ZNF334: variants seen among roughly 807,000 people sequenced by gnomAD.
The protein encoded by ZNF334 is zinc finger protein 334.
In ZNF334, 14 loss-of-function variants were observed where a neutral mutation model predicts 12.4. The ratio of observed to expected loss-of-function variants is 1.13; its 90% CI spans 0.74 to 1.76. The LOEUF (loss-of-function observed/expected upper bound fraction) is 1.76, where lower values mean the gene tolerates loss of function less well. Ranked by LOEUF, ZNF334 falls within the 40% of genes most tolerant of loss-of-function variation. The pLI is 0.00. For missense variants in ZNF334, 797 were observed against 804.5 expected (o/e 0.99, Z 0.11); for synonymous variants, 273 against 269.6 (o/e 1.01, Z -0.12).
the ZNF334 span, among the ~76,000 whole-genome samples, chr20:46,488,038 C>T: frequency 1.3e-5 from 2 of 152,126 alleles, no homozygotes; most frequent in Non-Finnish European, 1.5e-5. Context: ...ATGCATGCGA[C>T]AGCCCCCATA....
Position 46,501,510 on chromosome 20 carries a change from CAGA to C in ZNF334, c.1826_1828del (p.Phe609del), listed in dbSNP as rs763222375. 4.8e-5 allele frequency: 77 copies of C among 1,614,030 alleles called. No homozygotes were observed. The highest frequency in any genetic ancestry group is 6.0e-5 in the Non-Finnish European group (71 of 1,180,004). ...ATGGACTCTGAAGGCTGACTTATGG[CAGA>C]AGGATTTCCCACATTCATTACATTC... On this transcript the variant is annotated inframe_deletion, in exon 5 of 5. Transcript: ENST00000692313.
chr20:46,495,006 G>A (rs544993100), downstream of ZNF334, among the ~76,000 whole-genome samples: 1 of 152,092 alleles, frequency 6.6e-6, no homozygotes, highest in Non-Finnish European at 1.5e-5. Context: ...ATTCTCATTG[G>A]AAAGTTTCAG....
At position 46,500,504 on chromosome 20, in the gene ZNF334, T is replaced by A. The variant is rs1197360379; in HGVS notation, c.*792A>T. 1 of 152,224 alleles carries A rather than the reference T, an allele frequency of 6.6e-6. No homozygotes were observed. The highest frequency in any genetic ancestry group is 2.4e-5 in the African/African-American group (1 of 41,468). 9.4% of individuals were successfully genotyped at this position (152,224 alleles called of 1,614,324 possible). On this transcript the variant is annotated 3_prime_UTR_variant, in exon 5 of 5. Coordinates refer to ENST00000692313, the MANE Select transcript of ZNF334 (RefSeq NM_001353824.2). The stretch of plus-strand genomic sequence containing the variant: ...CCACTGGTAGATGGGGTTGAGTGGA[T>A]ATTACAGAATACTAAAACCAGAGAA...
At chr20:46,497,752 ACTCT>A (rs554344593), downstream of ZNF334, among the ~76,000 whole-genome samples, 3 of 152,206 alleles carry the variant, frequency 2.0e-5, no homozygotes. Flanking sequence ...AATTTATAAA[ACTCT>A]CTCATTCTCT....
chr20:46,465,910 G>C, the ZNF334 span, among the ~76,000 whole-genome samples: 1 of 151,860 alleles, frequency 6.6e-6, no homozygotes, highest in South Asian at 2.1e-4. Context: ...AGCCAAGATC[G>C]TGCCACTTAC....
chr20:46,479,659 G>C, the ZNF334 span, among the ~76,000 whole-genome samples: 1 of 152,172 alleles, frequency 6.6e-6, no homozygotes, highest in Non-Finnish European at 1.5e-5. Flanking sequence ...AAGCTGTCTT[G>C]TGTGGGGAAA....
At chr20:46,495,581 T>C (rs1205978000), downstream of ZNF334, among the ~76,000 whole-genome samples, 1 of 152,176 alleles carries the variant, frequency 6.6e-6, no homozygotes, top group Admixed American at 6.5e-5. Context: ...CCCCACCTTT[T>C]GACCTAAAAC....
chr20:46,485,428 A>T, the ZNF334 span: 1 of 147,030 alleles, frequency 6.8e-6, no homozygotes, highest in Non-Finnish European at 1.5e-5. Flanking sequence ...GTGTCACAGA[A>T]GGTTTTTTTT....
chr20:46,470,062 C>T, the ZNF334 span, among the ~76,000 whole-genome samples: 1 of 152,148 alleles, frequency 6.6e-6, no homozygotes, highest in Non-Finnish European at 1.5e-5. Context: ...CCCAGAGCTC[C>T]TAGGACAATA....
the ZNF334 span, among the ~76,000 whole-genome samples, chr20:46,469,232 G>A: frequency 6.6e-6 from 1 of 152,106 alleles, no homozygotes; most frequent in African/African-American, 2.4e-5. Context: ...AAACTGGGAG[G>A]GAGCCAAGAG....
At chr20:46,503,558 C>T (rs538496029) in intron 4 of ZNF334, among the ~76,000 whole-genome samples, 16 of 152,262 alleles carry the variant, frequency 1.1e-4, no homozygotes, top group African/African-American at 3.9e-4. Flanking sequence ...CAGTTATTAT[C>T]AAAACACACA....
chr20:46,508,336 TAGAC>T (rs2061512289), intron 2 of ZNF334, among the ~76,000 whole-genome samples: 2 of 152,134 alleles, frequency 1.3e-5, no homozygotes, highest in South Asian at 4.1e-4. Context: ...ACTTGTGAGG[TAGAC>T]AGATAATGAC....
chr20:46,480,441 T>A, the ZNF334 span, among the ~76,000 whole-genome samples: 32 of 152,276 alleles, frequency 2.1e-4, no homozygotes, highest in Admixed American at 2.0e-3. Context: ...TCCTCCTCCA[T>A]GCAGCTGCCT....
rs1176680080 is a variant in ZNF334, at chr20:46,512,660, G to A, written c.-159C>T. Reference sequence around the variant, plus strand: ...GTTTCCCTTAGCTGCAGTTTCACAAGAGGACCTTTTACTAAGAAACTTCTT... The same window carrying A: ...GTTTCCCTTAGCTGCAGTTTCACAAAAGGACCTTTTACTAAGAAACTTCTT... On this transcript the variant is annotated 5_prime_UTR_variant, in exon 1 of 5. Coordinates refer to ENST00000692313, the MANE Select transcript of ZNF334 (RefSeq NM_001353824.2). The A allele has an allele frequency of 6.6e-6, 1 of 152,308 alleles. No individual in the cohort carries two copies. The highest frequency in any genetic ancestry group is 1.5e-5 in the Non-Finnish European group (1 of 68,124). The allele number at this position is 152,308 out of a possible 1,614,324, so 9.4% of individuals were successfully genotyped here. A position where few individuals can be genotyped will look rare whatever the true frequency, so the allele number is the denominator to read the frequency against.
At chr20:46,482,684 G>C in the ZNF334 span, among the ~76,000 whole-genome samples, 1 of 152,002 alleles carries the variant, frequency 6.6e-6, no homozygotes, top group East Asian at 1.9e-4. Flanking sequence ...GATCTATTGT[G>C]TATAGATATG....
At chr20:46,465,765 T>A in the ZNF334 span, among the ~76,000 whole-genome samples, 1 of 151,914 alleles carries the variant, frequency 6.6e-6, no homozygotes, top group South Asian at 2.1e-4. Context: ...ACATCCTGGC[T>A]AACACGGTGA....
rs996443410 is a variant in ZNF334 at position 46,501,949 on chromosome 20, T to G, written c.1390A>C (p.Asn464His). Residue 464 changes from asparagine (N) to histidine (H), a missense_variant, in exon 5 of 5, where the codon AAT becomes CAT. Asn to His is a moderately conservative substitution (Grantham distance 68, BLOSUM62 1). Transcript: ENST00000692313. ...THRGKKSYEC[N>H]ECGKFFCHKS... ...TGGCAGAAAAATTTCCCACATTCAT[T>G]ACATTCATAAGACTTCTTTCCTCTA... 6.2e-7 allele frequency: 1 copy of G among 1,613,972 alleles called. No homozygotes were observed. The highest frequency in any genetic ancestry group is 1.3e-5 in the African/African-American group (1 of 74,940).
chr20:46,501,330 T>A lies in ZNF334; in HGVS notation c.2009A>T (p.Asn670Ile), dbSNP rs761390234. The A allele has an allele frequency of 7.4e-6, 12 of 1,611,764 alleles. No individual in the cohort carries two copies. The highest frequency in any genetic ancestry group is 9.3e-6 in the Non-Finnish European group (11 of 1,178,530). The change falls in exon 5 of 5, where the codon AAC (asparagine) becomes ATC (isoleucine). Residue 670 changes from asparagine (N) to isoleucine (I), a missense_variant. By Grantham distance (149) the Asn-to-Ile change is moderately radical (BLOSUM62 -3). Coordinates refer to ENST00000692313, the MANE Select transcript of ZNF334 (RefSeq NM_001353824.2). ...GTGGGATTTCTGATGTAAAAGAAAG[T>A]TTGATTTGTGGCGAAATGTTTTCTC... ...KCEKTFRHKS[N>I]FLLHQKSHKE
chr20:46,487,140 T>C, the ZNF334 span, among the ~76,000 whole-genome samples: 39 of 152,300 alleles, frequency 2.6e-4, 1 homozygote, highest in East Asian at 3.5e-3. Flanking sequence ...ATGTTTGACT[T>C]ACAGCATTTG....
Sources: gnomAD v4.1 joint callset for allele counts (sites outside exome capture counted in the v4.1 genomes callset) on GRCh38, gnomAD v4.1.1 for gene constraint, MANE v1.5 for transcripts, NCBI Gene and HGNC (gene_info 2026-07-23, HGNC 2026-07-21) for gene names.